Variants in ZNF599 observed in about 807,000 individuals in gnomAD.
ZNF599 encodes the protein zinc finger protein 599.
ZNF599 carries 10 observed loss-of-function variants against 11.7 expected under a neutral mutation model. That is an observed-to-expected ratio of 0.86 (90% CI 0.53 to 1.45). The LOEUF is 1.45. Among genes scored for constraint, ZNF599 ranks in the 40% most tolerant of loss-of-function variants. The probability of loss-of-function intolerance (pLI) is 0.00; values close to 1 mark genes in which losing one functional copy is unlikely to be tolerated. For missense variants in ZNF599, 688 were observed against 713.6 expected (o/e 0.96, Z 0.41); for synonymous variants, 232 against 253.2 (o/e 0.92, Z 0.79).
chr19:34,805,356 C>G, the ZNF599 span, among the ~76,000 whole-genome samples: 1 of 152,094 alleles, frequency 6.6e-6, no homozygotes, highest in Non-Finnish European at 1.5e-5. Context: ...TGCCACCACG[C>G]CCAGCTAATT....
chr19:34,780,575 A>AGAAAGAGACAGGGAGGAGG, the ZNF599 span, among the ~76,000 whole-genome samples: 1 of 149,184 alleles, frequency 6.7e-6, no homozygotes, highest in East Asian at 2.1e-4. Context: ...AGAGAAAGAA[A>AGAAAGAGACAGGGAGGAGG]GAAAGAGACA....
the ZNF599 span, among the ~76,000 whole-genome samples, chr19:34,793,289 G>A: frequency 6.6e-6 from 1 of 152,168 alleles, no homozygotes; most frequent in African/African-American, 2.4e-5. Flanking sequence ...ATTGGGTCTA[G>A]AGTCAGCAGC....
At chr19:34,772,021 T>A (rs1485429665) in intron 1 of ZNF599, among the ~76,000 whole-genome samples, 4 of 151,830 alleles carry the variant, frequency 2.6e-5, no homozygotes, top group Non-Finnish European at 5.9e-5. Context: ...ACAGACCAGG[T>A]GAGGAAAAAT....
chr19:34,792,520 T>A, the ZNF599 span, among the ~76,000 whole-genome samples: 1 of 152,128 alleles, frequency 6.6e-6, no homozygotes, highest in Non-Finnish European at 1.5e-5. Flanking sequence ...GTAAAGGGAA[T>A]CTGTATAAAC....
chr19:34,799,264 A>C, the ZNF599 span, among the ~76,000 whole-genome samples: 1 of 152,082 alleles, frequency 6.6e-6, no homozygotes, highest in Non-Finnish European at 1.5e-5. Context: ...CAGCCTCCCA[A>C]AGTGCTGAGT....
intron 1 of ZNF599, among the ~76,000 whole-genome samples, chr19:34,770,273 G>A (rs2069174553): frequency 6.6e-6 from 1 of 152,240 alleles, no homozygotes; most frequent in African/African-American, 2.4e-5. Flanking sequence ...TGTCTAATGA[G>A]CAGAAGCAGG....
the ZNF599 span, among the ~76,000 whole-genome samples, chr19:34,781,279 A>G: frequency 6.6e-6 from 1 of 152,192 alleles, no homozygotes; most frequent in Non-Finnish European, 1.5e-5. Context: ...GAGAAGAAAG[A>G]ACGAAAGAAA....
the ZNF599 span, among the ~76,000 whole-genome samples, chr19:34,800,969 G>A: frequency 6.3e-4 from 96 of 152,224 alleles, 1 homozygote; most frequent in African/African-American, 2.0e-3. Flanking sequence ...TGTTGTTTAC[G>A]TTTTTCCAAT....
the ZNF599 span, among the ~76,000 whole-genome samples, chr19:34,805,387 G>T: frequency 6.3e-4 from 95 of 151,994 alleles, no homozygotes; most frequent in South Asian, 5.8e-3. Context: ...TAGTAGAGAC[G>T]AAGTTTCACC....
chr19:34,773,684 C>G (rs1018452386), upstream of ZNF599, among the ~76,000 whole-genome samples: 4 of 149,306 alleles, frequency 2.7e-5, no homozygotes, highest in Admixed American at 2.7e-4. Flanking sequence ...AGTCCCCACC[C>G]ACTGAATCAG....
the ZNF599 span, among the ~76,000 whole-genome samples, chr19:34,778,921 A>G: frequency 6.6e-6 from 1 of 152,260 alleles, no homozygotes; most frequent in African/African-American, 2.4e-5. Context: ...TGGCAAAAAA[A>G]CATACAAAAT....
intron 1 of ZNF599, among the ~76,000 whole-genome samples, chr19:34,771,734 A>G (rs999502365): frequency 5.3e-5 from 8 of 152,210 alleles, no homozygotes; most frequent in African/African-American, 1.7e-4. Context: ...TGGGAGCCCC[A>G]GAGGATAGAA....
the ZNF599 span, among the ~76,000 whole-genome samples, chr19:34,778,315 TA>T: frequency 1.1e-4 from 16 of 149,422 alleles, no homozygotes; most frequent in Non-Finnish European, 1.9e-4. Flanking sequence ...TAAAGTATAA[TA>T]AAAAATATAT....
chr19:34,777,459 A>G (rs35296268), upstream of ZNF599, among the ~76,000 whole-genome samples: 3 of 98,362 alleles, frequency 3.0e-5, no homozygotes, highest in Non-Finnish European at 5.6e-5. Flanking sequence ...ATTAATATAT[A>G]ATATATTATA....
chr19:34,788,893 A>G, the ZNF599 span, among the ~76,000 whole-genome samples: 2 of 152,220 alleles, frequency 1.3e-5, no homozygotes, highest in Non-Finnish European at 2.9e-5. Flanking sequence ...AGACATTAGA[A>G]TGACTAATCT....
At chr19:34,769,353 TG>T in intron 2 of ZNF599, 75 bp downstream of exon 2, 1 of 1,607,622 alleles carries the variant, frequency 6.2e-7, no homozygotes, top group African/African-American at 1.3e-5. Context: ...CTGAGGCTCC[TG>T]GACCAGCCAT....
the ZNF599 span, among the ~76,000 whole-genome samples, chr19:34,785,043 G>A: frequency 6.7e-6 from 1 of 149,468 alleles, no homozygotes; most frequent in Non-Finnish European, 1.5e-5. Flanking sequence ...CTACTCAGGG[G>A]CCCCTGGACC....
chr19:34,800,837 T>G, the ZNF599 span, among the ~76,000 whole-genome samples: 2 of 152,048 alleles, frequency 1.3e-5, no homozygotes, highest in African/African-American at 4.8e-5. Flanking sequence ...TCAAGTGATC[T>G]GCCTGCCTGA....
chr19:34,762,217 T>C (rs573088371), intron 3 of ZNF599, among the ~76,000 whole-genome samples: 4 of 152,288 alleles, frequency 2.6e-5, no homozygotes, highest in South Asian at 4.1e-4. Flanking sequence ...AGACATACAT[T>C]GCCCAGTCAA....
Sources: gnomAD v4.1 joint callset for allele counts (sites outside exome capture counted in the v4.1 genomes callset) on GRCh38, gnomAD v4.1.1 for gene constraint, MANE v1.5 for transcripts, NCBI Gene and HGNC (gene_info 2026-07-23, HGNC 2026-07-21) for gene names.